TRAM2: variants seen among roughly 807,000 people sequenced by gnomAD.
TRAM2 encodes the protein translocation associated membrane protein 2.
A neutral mutation model predicts 51.0 loss-of-function variants in TRAM2; 12 were observed. That is an observed-to-expected ratio of 0.24 (90% CI 0.15 to 0.38). The LOEUF (loss-of-function observed/expected upper bound fraction) is 0.38, where lower values mean the gene tolerates loss of function less well. Among genes scored for constraint, TRAM2 ranks in the 10% least tolerant of loss-of-function variants. The pLI, the probability that TRAM2 is intolerant of heterozygous loss-of-function variation, is 1.00. For synonymous variants in TRAM2, 175 were observed against 179.4 expected (o/e 0.98, Z 0.20); for missense variants, 361 against 462.0 (o/e 0.78, Z 2.00).
chr6:52,546,305 C>T (rs1266695339), intron 1 of TRAM2, among the ~76,000 whole-genome samples: 1 of 152,198 alleles, frequency 6.6e-6, no homozygotes, highest in Non-Finnish European at 1.5e-5. Flanking sequence ...GGACCCTTTA[C>T]AGCAGCAGAT....
chr6:52,514,389 GCGGGGGT>G (rs1464584374), intron 4 of TRAM2, among the ~76,000 whole-genome samples: 1 of 152,130 alleles, frequency 6.6e-6, no homozygotes, highest in Non-Finnish European at 1.5e-5. Context: ...GGAAGAGTTG[GCGGGGGT>G]CGGGGGTCAC....
Position 52,505,708 on chromosome 6 carries a change from G to A in TRAM2, c.766C>T (p.Arg256Cys). 1 of 1,612,878 alleles carries A rather than the reference G, an allele frequency of 6.2e-7. No homozygotes were observed. Among genetic ancestry groups the A allele is most frequent in the Non-Finnish European group, 8.5e-7 (1 of 1,179,250 alleles). The stretch of plus-strand genomic sequence containing the variant: ...ACGGCAAGGGTGAGGATGAAGAGGC[G>A]GGTAACCCCAAAAACAGCAGCCCAG... Reference protein sequence around the residue: ...SAWAAVFGVTRLFILTLAVLA... With the variant: ...SAWAAVFGVTCLFILTLAVLA... The change falls in exon 9 of 11, where the codon CGC becomes TGC. Residue 256 changes from arginine (R) to cysteine (C), a missense_variant. Transcript: ENST00000182527.
At chr6:52,557,192 C>A (rs1581699497) in intron 1 of TRAM2, among the ~76,000 whole-genome samples, 42 of 140,148 alleles carry the variant, frequency 3.0e-4, no homozygotes, top group Non-Finnish European at 3.6e-4. Flanking sequence ...AACTCTGTCT[C>A]AAAAAAAAAA....
intron 2 of TRAM2, among the ~76,000 whole-genome samples, chr6:52,531,165 G>A (rs1263509688): frequency 5.5e-5 from 8 of 145,202 alleles, no homozygotes; most frequent in African/African-American, 1.5e-4. Flanking sequence ...AGTAGAGTAC[G>A]ATCTAAGGAG....
chr6:52,517,114 C>T (rs1161711841), intron 2 of TRAM2: 1 of 196,518 alleles, frequency 5.1e-6, no homozygotes, highest in Non-Finnish European at 1.0e-5. Flanking sequence ...CCTCAGTTTC[C>T]TCCCCTGTAA....
intron 1 of TRAM2, among the ~76,000 whole-genome samples, chr6:52,547,560 G>A (rs914174718): frequency 1.3e-5 from 2 of 152,230 alleles, no homozygotes; most frequent in African/African-American, 4.8e-5. Flanking sequence ...TATTCGCAAA[G>A]GGGCTGGGAA....
In TRAM2 at chr6:52,498,072, A is replaced by G. The variant is rs1449374846; in HGVS notation, c.*5125T>C. The stretch of plus-strand genomic sequence containing the variant: ...AAAAATAGACCTCTAAGATGATGCT[A>G]CATGTTCTAAAAGAGTGCCACAGAA... On this transcript the variant is annotated 3_prime_UTR_variant, in exon 11 of 11. Coordinates refer to ENST00000182527, the MANE Select transcript of TRAM2 (RefSeq NM_012288.4). 5.9e-5 allele frequency: 9 copies of G among 152,344 alleles called. No individual in the cohort carries two copies. The highest frequency in any genetic ancestry group is 3.3e-4 in the Admixed American group (5 of 15,272). 9.4% of individuals were successfully genotyped at this position (152,344 alleles called of 1,614,324 possible).
intron 2 of TRAM2, among the ~76,000 whole-genome samples, chr6:52,525,651 T>C (rs548153937): frequency 6.6e-6 from 1 of 152,076 alleles, no homozygotes; most frequent in East Asian, 1.9e-4. Context: ...CTACTAAAAA[T>C]ACAAAAATTA....
In TRAM2 at chr6:52,497,580, C is replaced by T. The variant is rs962534803; in HGVS notation, c.*5617G>A. 9 of 152,652 alleles carry T rather than the reference C, an allele frequency of 5.9e-5. No homozygotes were observed. The highest frequency in any genetic ancestry group is 1.9e-4 in the African/African-American group (8 of 41,542). The allele number at this position is 152,652 out of a possible 1,614,324, so 9.5% of individuals were successfully genotyped here. The stretch of plus-strand genomic sequence containing the variant: ...GCAAAAAGACACCCCTCCCCCCAAC[C>T]CTTTTTTACATGAAAGCATAAATAC... On this transcript the variant is annotated 3_prime_UTR_variant, in exon 11 of 11. Coordinates refer to ENST00000182527, the MANE Select transcript of TRAM2 (RefSeq NM_012288.4).
intron 4 of TRAM2, among the ~76,000 whole-genome samples, chr6:52,511,996 C>A (rs1265715555): frequency 6.6e-6 from 1 of 152,192 alleles, no homozygotes; most frequent in Non-Finnish European, 1.5e-5. Context: ...CTCAAATACA[C>A]TGCTTCTATC....
intron 1 of TRAM2, 28 bp downstream of exon 1, chr6:52,576,768 T>C (rs1767775253): frequency 1.1e-5 from 17 of 1,608,504 alleles, no homozygotes; most frequent in Non-Finnish European, 1.4e-5. Flanking sequence ...GCACTGTCCC[T>C]CCAGCTCCCT....
chr6:52,549,268 C>T (rs896697751), intron 1 of TRAM2, among the ~76,000 whole-genome samples: 1 of 143,044 alleles, frequency 7.0e-6, no homozygotes, highest in Admixed American at 7.4e-5. Context: ...CCCTCCTTCC[C>T]TCCCTCCCTC....
In TRAM2 at chr6:52,554,063, C is replaced by T. The variant is rs77806940; in HGVS notation, c.121-18217G>A. Among the ~76,000 whole-genome samples, 66 of 152,258 alleles carry T rather than the reference C, an allele frequency of 4.3e-4. 2 individuals carry two copies. In the East Asian group the frequency reaches 0.012, roughly 27 times the overall value. On this transcript the variant is annotated intron_variant, in intron 1 of 10. Transcript: ENST00000182527. ...TGAGCACACCATCCGCCCCAGCACACCATCTGCCCCAGCCTACCAGCCCTG... is the reference window on the plus strand; with the variant it reads ...TGAGCACACCATCCGCCCCAGCACATCATCTGCCCCAGCCTACCAGCCCTG...
chr6:52,505,952 G>C (rs1339538780), intron 8 of TRAM2, 80 bp downstream of exon 8: 5 of 1,516,426 alleles, frequency 3.3e-6, no homozygotes, highest in Non-Finnish European at 4.6e-6. Context: ...CAACCAGGGA[G>C]GGACCCTCCA....
At chr6:52,572,402 A>G (rs9382123) in intron 1 of TRAM2, among the ~76,000 whole-genome samples, 146,646 of 152,324 alleles carry the variant, frequency 0.96, 70,630 homozygotes, top group East Asian at 1. Context: ...TCAGGAGTTC[A>G]AGACCAGCCT....
In TRAM2 at chr6:52,503,094, A is replaced by C; in HGVS notation, c.*103T>G. The C allele has an allele frequency of 1.0e-6, 1 of 984,944 alleles. No individual in the cohort carries two copies. Among genetic ancestry groups the C allele is most frequent in the East Asian group, 2.4e-5 (1 of 42,018 alleles). 61.0% of individuals were successfully genotyped at this position (984,944 alleles called of 1,614,324 possible). A position where few individuals can be genotyped will look rare whatever the true frequency, so the allele number is the denominator to read the frequency against. On this transcript the variant is annotated 3_prime_UTR_variant, in exon 11 of 11. Coordinates refer to ENST00000182527, the MANE Select transcript of TRAM2 (RefSeq NM_012288.4). ...GCAAGACAGGTTTCGGCTGTTTGAG[A>C]CGGAGCATCACAGGCAGGAAGGAGG...
intron 1 of TRAM2, among the ~76,000 whole-genome samples, chr6:52,572,397 A>T (rs1767695479): frequency 6.6e-6 from 1 of 152,244 alleles, no homozygotes; most frequent in Admixed American, 6.5e-5. Flanking sequence ...TGAAGTCAGG[A>T]GTTCAAGACC....
rs536960785 is a variant in TRAM2 at position 52,562,845 on chromosome 6, T to C, written c.120+13951A>G. 4.6e-5 allele frequency among the ~76,000 whole-genome samples: 7 copies of C among 152,316 alleles called. No homozygotes were observed. The South Asian group carries it at 1.4e-3, about 32-fold the overall frequency. ...GCTGAGAATTTAGCAGGGAGCAAGA[T>C]CAATGAAGGCACTGGTAGAACTTTT... is the stretch of plus-strand genomic sequence containing the variant. On this transcript the variant is annotated intron_variant, in intron 1 of 10. Transcript: ENST00000182527.
intron 2 of TRAM2, among the ~76,000 whole-genome samples, chr6:52,521,762 T>G (rs1766680754): frequency 6.6e-6 from 1 of 151,362 alleles, no homozygotes; most frequent in Non-Finnish European, 1.5e-5. Flanking sequence ...AAAATAAAAA[T>G]AAATAAATAA....
Sources: gnomAD v4.1 joint callset for allele counts (sites outside exome capture counted in the v4.1 genomes callset) on GRCh38, gnomAD v4.1.1 for gene constraint, MANE v1.5 for transcripts, NCBI Gene and HGNC (gene_info 2026-07-23, HGNC 2026-07-21) for gene names.